SORCS1: variants seen among roughly 807,000 people sequenced by gnomAD.
SORCS1 encodes the protein VPS10 domain-containing receptor SorCS1.
Under a neutral mutation model 146.1 loss-of-function variants are expected in SORCS1, and 60 were observed. That is an observed-to-expected ratio of 0.41 (90% CI 0.33 to 0.51). The LOEUF is 0.51. Among genes scored for constraint, SORCS1 ranks in the 20% least tolerant of loss-of-function variants. SORCS1 has a pLI of 0.21. For synonymous variants in SORCS1, 637 were observed against 584.0 expected (o/e 1.09, Z -1.31); for missense variants, 1,352 against 1,487.6 (o/e 0.91, Z 1.50).
At chr10:106,606,363 A>AC (rs1459990740) in intron 23 of SORCS1, among the ~76,000 whole-genome samples, 1 of 151,794 alleles carries the variant, frequency 6.6e-6, no homozygotes, top group Non-Finnish European at 1.5e-5. Context: ...GAGGAGGTGA[A>AC]CCCCACAGGG....
rs148935620 is a variant in SORCS1, at chr10:106,938,678, C to T, written c.626+17835G>A. 2.8e-4 allele frequency among the ~76,000 whole-genome samples: 42 copies of T among 152,252 alleles called. No homozygotes were observed. The East Asian group carries it at 5.0e-3, about 18-fold the overall frequency. ...AGCAACCATTTGAGTAACAGTTTTG[C>T]GGTTCTGTAGATTCCATAAAACTAC... On this transcript the variant is annotated intron_variant, in intron 2 of 25. Transcript: ENST00000263054.
intron 1 of SORCS1, among the ~76,000 whole-genome samples, chr10:107,083,156 A>G (rs1963473280): frequency 6.6e-6 from 1 of 151,336 alleles, no homozygotes; most frequent in Admixed American, 6.6e-5. Context: ...TGAATACAGT[A>G]TTTGAAAGGG....
intron 1 of SORCS1, among the ~76,000 whole-genome samples, chr10:107,027,552 T>C (rs950883660): frequency 6.6e-6 from 1 of 152,156 alleles, no homozygotes; most frequent in Non-Finnish European, 1.5e-5. Context: ...TGCTGTGTGA[T>C]AGGACTTCAG....
intron 18 of SORCS1, among the ~76,000 whole-genome samples, chr10:106,636,968 C>T (rs1848764096): frequency 6.6e-6 from 1 of 152,198 alleles, no homozygotes; most frequent in African/African-American, 2.4e-5. Flanking sequence ...CTAACTACAA[C>T]CCTTTAGAGG....
rs548439132 is a variant in SORCS1 at position 106,873,324 on chromosome 10, A to G, written c.627-43651T>C. Among the ~76,000 whole-genome samples the G allele has an allele frequency of 2.0e-3, 299 of 152,234 alleles. 2 individuals carry two copies. In the East Asian group the frequency reaches 0.021, roughly 11 times the overall value. On this transcript the variant is annotated intron_variant, in intron 2 of 25. Coordinates refer to ENST00000263054, the MANE Select transcript of SORCS1 (RefSeq NM_052918.5). ...GCAAAACTCGGTCTCAAAAAAAAAA[A>G]AAAAGAAAAGATAATTTCCTTGATA...
Position 106,955,518 on chromosome 10 carries a change from T to C in SORCS1, c.626+995A>G, listed in dbSNP as rs571836780. Among the ~76,000 whole-genome samples the C allele has an allele frequency of 1.5e-4, 23 of 152,342 alleles. No individual in the cohort carries two copies. The East Asian group carries it at 4.4e-3, about 29-fold the overall frequency. ...ACTCAAGCAGAGGCACTGCCGGCTG[T>C]GGAGGTCTCTGGCTGGCGAAGAGGC... On this transcript the variant is annotated intron_variant, in intron 2 of 25. Coordinates refer to ENST00000263054, the MANE Select transcript of SORCS1 (RefSeq NM_052918.5).
In SORCS1 at chr10:106,975,560, A is replaced by G. The variant is rs78122639; in HGVS notation, c.559-18980T>C. ...AGCTGGTAGACCCTGAGGGAGAAAAAGAAATGCACAAAATGTAATTTCTGC... is the reference window on the plus strand; with the variant it reads ...AGCTGGTAGACCCTGAGGGAGAAAAGGAAATGCACAAAATGTAATTTCTGC... On this transcript the variant is annotated intron_variant, in intron 1 of 25. Coordinates refer to ENST00000263054, the MANE Select transcript of SORCS1 (RefSeq NM_052918.5). 1.4e-4 allele frequency among the ~76,000 whole-genome samples: 21 copies of G among 152,342 alleles called. No homozygotes were observed. The East Asian group carries it at 4.1e-3, about 29-fold the overall frequency.
chr10:106,912,092 G>A (rs555985589), intron 2 of SORCS1, among the ~76,000 whole-genome samples: 18 of 138,204 alleles, frequency 1.3e-4, no homozygotes, highest in South Asian at 4.8e-4. Context: ...CAGCCTGAGC[G>A]ACAGATTGAG....
chr10:106,999,729 T>C (rs1459976152), intron 1 of SORCS1, among the ~76,000 whole-genome samples: 3 of 152,186 alleles, frequency 2.0e-5, no homozygotes, highest in African/African-American at 7.2e-5. Context: ...GCCTCCAGAT[T>C]ATACCTCCTT....
intron 1 of SORCS1, among the ~76,000 whole-genome samples, chr10:106,978,514 T>C (rs781146251): frequency 4.6e-5 from 7 of 152,162 alleles, no homozygotes; most frequent in Non-Finnish European, 8.8e-5. Flanking sequence ...AAAGACTAAA[T>C]AGTGGCCGGG....
intron 1 of SORCS1, among the ~76,000 whole-genome samples, chr10:106,962,640 T>C (rs1356564454): frequency 6.6e-6 from 1 of 152,204 alleles, no homozygotes; most frequent in African/African-American, 2.4e-5. Context: ...GACTAGGTCC[T>C]AGTCTATAAA....
At chr10:106,844,635 G>A (rs922434611) in intron 2 of SORCS1, among the ~76,000 whole-genome samples, 1 of 148,966 alleles carries the variant, frequency 6.7e-6, no homozygotes, top group Non-Finnish European at 1.5e-5. Context: ...CATTGTGCAG[G>A]TTAGTTACAT....
the SORCS1 span, among the ~76,000 whole-genome samples, chr10:107,173,980 T>C: frequency 6.6e-6 from 1 of 152,194 alleles, no homozygotes; most frequent in Admixed American, 6.5e-5. Flanking sequence ...TGAAGTCCCT[T>C]AGTTCTTCCA....
At chr10:106,781,916 A>C (rs904640425) in intron 3 of SORCS1, among the ~76,000 whole-genome samples, 1 of 147,924 alleles carries the variant, frequency 6.8e-6, no homozygotes, top group Non-Finnish European at 1.5e-5. Flanking sequence ...AAAAGCTCAA[A>C]TCAAGCACAC....
intron 1 of SORCS1, among the ~76,000 whole-genome samples, chr10:107,069,779 T>C (rs1306325406): frequency 1.3e-5 from 2 of 152,258 alleles, no homozygotes; most frequent in Non-Finnish European, 2.9e-5. Flanking sequence ...GATTATCACC[T>C]TCAATGCAAA....
intron 1 of SORCS1, among the ~76,000 whole-genome samples, chr10:106,994,086 A>AAGAAAAAAAAAAAAAAAAAAAAG (rs1956895274): frequency 7.4e-6 from 1 of 135,004 alleles, no homozygotes; most frequent in African/African-American, 3.5e-5. Flanking sequence ...AAAAAAAAAA[A>AAGAAAAAAAAAAAAAAAAAAAAG]AGAAAATGAG....
intron 2 of SORCS1, among the ~76,000 whole-genome samples, chr10:106,905,454 G>A (rs1181025746): frequency 6.6e-6 from 1 of 152,016 alleles, no homozygotes; most frequent in Non-Finnish European, 1.5e-5. Flanking sequence ...CCAGAATTGT[G>A]GAGCAAGACT....
chr10:106,669,971 A>G (rs1851464267), intron 16 of SORCS1, among the ~76,000 whole-genome samples: 1 of 152,238 alleles, frequency 6.6e-6, no homozygotes, highest in Admixed American at 6.5e-5. Flanking sequence ...TCAGTCACTG[A>G]TATTTTAATG....
intron 25 of SORCS1, 41 bp downstream of exon 25, chr10:106,579,328 A>T (rs1422118293): frequency 6.2e-7 from 1 of 1,614,038 alleles, no homozygotes; most frequent in Non-Finnish European, 8.5e-7. Context: ...GGGAGAAGGA[A>T]GAGGTCAGGG....
Sources: gnomAD v4.1 joint callset for allele counts (sites outside exome capture counted in the v4.1 genomes callset) on GRCh38, gnomAD v4.1.1 for gene constraint, MANE v1.5 for transcripts, NCBI Gene and HGNC (gene_info 2026-07-23, HGNC 2026-07-21) for gene names.